The following DOCK5 variants were observed in gnomAD, a reference collection of about 807,000 sequenced individuals.
DOCK5 encodes dedicator of cytokinesis protein 5.
A neutral mutation model predicts 251.8 loss-of-function variants in DOCK5; 142 were observed. The ratio of observed to expected loss-of-function variants is 0.56; its 90% CI spans 0.49 to 0.65. The LOEUF is 0.65. DOCK5 is among the 30% of genes least tolerant of loss of function. DOCK5 has a pLI of 0.00. For synonymous variants in DOCK5, 842 were observed against 835.5 expected (o/e 1.01, Z -0.13); for missense variants, 2,111 against 2,312.3 (o/e 0.91, Z 1.79).
At chr8:25,185,947 C>G (rs1013149348) in intron 1 of DOCK5, among the ~76,000 whole-genome samples, 1 of 152,184 alleles carries the variant, frequency 6.6e-6, no homozygotes, top group South Asian at 2.1e-4. Context: ...ACAATAAACA[C>G]GGCTGAGTGT....
intron 8 of DOCK5, among the ~76,000 whole-genome samples, chr8:25,299,774 G>T (rs112098293): frequency 0.013 from 2,042 of 152,202 alleles, 49 homozygotes; most frequent in African/African-American, 0.046. Context: ...CCCTACAGTG[G>T]TACTACTGTT....
intron 13 of DOCK5, 90 bp from the exon 14 acceptor site, chr8:25,316,917 G>A (rs1282719174): frequency 3.5e-5 from 52 of 1,502,926 alleles, no homozygotes; most frequent in South Asian, 1.4e-4. Context: ...AGACCATTTC[G>A]TGTTGTCTTT....
At position 25,374,434 on chromosome 8, in the gene DOCK5, G is replaced by A. The variant is rs962379358; in HGVS notation, c.3726-130G>A. 3.3e-5 allele frequency: 28 copies of A among 850,506 alleles called. No individual in the cohort carries two copies. In the East Asian group the frequency reaches 7.0e-4, roughly 21 times the overall value. 52.7% of individuals were successfully genotyped at this position (850,506 alleles called of 1,614,324 possible). A position where few individuals can be genotyped will look rare whatever the true frequency, so the allele number is the denominator to read the frequency against. ...CACTTGAGCCCTGGGGCTTAAGGCT[G>A]CAGTGAGCCATGATCGGACCACTGC... On this transcript the variant is annotated intron_variant, in intron 36 of 51. Transcript: ENST00000276440.
At chr8:25,311,266 G>T (rs1054537860) in intron 13 of DOCK5, among the ~76,000 whole-genome samples, 2 of 152,070 alleles carry the variant, frequency 1.3e-5, no homozygotes, top group Non-Finnish European at 2.9e-5. Context: ...TGGCTTGGCC[G>T]AGCAGGGTGG....
chr8:25,250,886 T>C (rs780312927), intron 2 of DOCK5, among the ~76,000 whole-genome samples: 5 of 152,216 alleles, frequency 3.3e-5, no homozygotes, highest in Non-Finnish European at 7.3e-5. Flanking sequence ...TGACTGTCCC[T>C]GGGCAAGATA....
At position 25,210,048 on chromosome 8, in the gene DOCK5, G is replaced by GAAAAAAA. The variant is rs1563309203; in HGVS notation, c.43+25097_43+25098insAAAAAAA. ...TATATATATATAAATGTGTGTGTGTGTGTGTGTGTGTGTGTGTGTGTATCT... is the reference window on the plus strand; with the variant it reads ...TATATATATATAAATGTGTGTGTGTGAAAAAAATGTGTGTGTGTGTGTGTGTGTATCT... On this transcript the variant is annotated intron_variant, in intron 1 of 51. Transcript: ENST00000276440. Among the ~76,000 whole-genome samples, 2 of 25,424 alleles carry GAAAAAAA rather than the reference G, an allele frequency of 7.9e-5. 1 individual carries two copies. Among genetic ancestry groups the GAAAAAAA allele is most frequent in the African/African-American group, 2.5e-4 (2 of 8,036 alleles). The allele number at this position is 25,424 out of a possible 152,430, so 16.7% of individuals were successfully genotyped here. A position where few individuals can be genotyped will look rare whatever the true frequency, so the allele number is the denominator to read the frequency against.
intron 1 of DOCK5, among the ~76,000 whole-genome samples, chr8:25,240,909 C>CT (rs1023867550): frequency 1.3e-5 from 2 of 152,166 alleles, no homozygotes; most frequent in African/African-American, 4.8e-5. Flanking sequence ...GGTTCTGTTC[C>CT]TTGCTTCTTC....
At chr8:25,332,071 A>C (rs1297008330) in intron 18 of DOCK5, among the ~76,000 whole-genome samples, 180 bp from the exon 19 acceptor site, 3 of 152,332 alleles carry the variant, frequency 2.0e-5, no homozygotes, top group South Asian at 4.1e-4. Flanking sequence ...GAAGAATGAA[A>C]GAGGACCACA....
intron 13 of DOCK5, among the ~76,000 whole-genome samples, chr8:25,316,340 G>A (rs552664500): frequency 6.6e-6 from 1 of 152,216 alleles, no homozygotes; most frequent in Non-Finnish European, 1.5e-5. Flanking sequence ...CATTAGCCAG[G>A]TGTGGTGATG....
intron 37 of DOCK5, chr8:25,376,465 C>A: frequency 2.9e-6 from 2 of 683,006 alleles, no homozygotes; most frequent in Non-Finnish European, 3.6e-6. Flanking sequence ...TGTACCAGTA[C>A]CATACTGTAT....
chr8:25,387,129 T>C (rs1338008524), intron 40 of DOCK5, among the ~76,000 whole-genome samples: 5 of 152,006 alleles, frequency 3.3e-5, no homozygotes, highest in Admixed American at 6.6e-5. Context: ...TGAGATCTCA[T>C]TATCTCTTTT....
At chr8:25,411,067 T>C in intron 51 of DOCK5, 127 bp from the exon 52 acceptor site, 1 of 1,253,672 alleles carries the variant, frequency 8.0e-7, no homozygotes, top group Non-Finnish European at 1.0e-6. Flanking sequence ...CATTTCACTT[T>C]GCAAAGCCTG....
chr8:25,232,595 A>T (rs1006754494), intron 1 of DOCK5, among the ~76,000 whole-genome samples: 2 of 152,142 alleles, frequency 1.3e-5, no homozygotes, highest in African/African-American at 2.4e-5. Context: ...CTGCCAACTT[A>T]TCACTGTGTC....
In DOCK5 at chr8:25,323,918, G is replaced by A. The variant is rs767877751; in HGVS notation, c.1686G>A (p.Leu562=). The change falls in exon 17 of 52, where the codon CTG becomes CTA. Residue 562 remains leucine, a synonymous_variant. Coordinates refer to ENST00000276440, the MANE Select transcript of DOCK5 (RefSeq NM_024940.8). ...TGATGAACCCGGATGGCACCACTCTGCAGGATGGGAGGCACGATCTGGTGG... is the reference window on the plus strand; with the variant it reads ...TGATGAACCCGGATGGCACCACTCTACAGGATGGGAGGCACGATCTGGTGG... ...VKLMNPDGTT[L]QDGRHDLVVY... 6.2e-7 allele frequency: 1 copy of A among 1,613,248 alleles called. No homozygotes were observed. The highest frequency in any genetic ancestry group is 8.5e-7 in the Non-Finnish European group (1 of 1,179,600).
Position 25,384,872 on chromosome 8 carries a change from G to A in DOCK5, c.4131+2094G>A, listed in dbSNP as rs564708688. ...CACTTGAGCTCGGGAGGCAGAAATT[G>A]CAATGAGCCGAGATGGTGCCACTGC... On this transcript the variant is annotated intron_variant, in intron 40 of 51. Coordinates refer to ENST00000276440, the MANE Select transcript of DOCK5 (RefSeq NM_024940.8). Among the ~76,000 whole-genome samples the A allele has an allele frequency of 2.0e-5, 3 of 152,234 alleles. No individual in the cohort carries two copies. In the East Asian group the frequency reaches 5.8e-4, roughly 29 times the overall value.
At position 25,310,539 on chromosome 8, in the gene DOCK5, A is replaced by C. The variant is rs1263259286; in HGVS notation, c.1318+7A>C. ...CCTGAAATCATACTGCCAGGTAAGC[A>C]CTTTGCATGGCTCACCTGTTTGCTT... On this transcript the variant is annotated splice_region_variant and intron_variant, in intron 13 of 51. Transcript: ENST00000276440. The C allele has an allele frequency of 1.2e-6, 2 of 1,606,684 alleles. No individual in the cohort carries two copies. Among genetic ancestry groups the C allele is most frequent in the Admixed American group, 1.7e-5 (1 of 58,482 alleles).
chr8:25,395,820 C>A, intron 45 of DOCK5, 101 bp downstream of exon 45: 1 of 1,311,262 alleles, frequency 7.6e-7, no homozygotes, highest in Non-Finnish European at 1.1e-6. Context: ...CCTACAGCTG[C>A]TCTAAGAAAT....
chr8:25,278,803 A>G, intron 5 of DOCK5, 138 bp downstream of exon 5: 1 of 775,198 alleles, frequency 1.3e-6, no homozygotes, highest in Non-Finnish European at 2.1e-6. Flanking sequence ...AAGGCTGATA[A>G]GCAGCAGATT....
intron 5 of DOCK5, among the ~76,000 whole-genome samples, chr8:25,281,345 A>G (rs1224571726): frequency 1.3e-5 from 2 of 149,346 alleles, no homozygotes; most frequent in Non-Finnish European, 3.0e-5. Flanking sequence ...GGAGAATCGC[A>G]GGAGAATCGC....
Sources: gnomAD v4.1 joint callset for allele counts (sites outside exome capture counted in the v4.1 genomes callset) on GRCh38, gnomAD v4.1.1 for gene constraint, MANE v1.5 for transcripts, NCBI Gene and HGNC (gene_info 2026-07-23, HGNC 2026-07-21) for gene names.